RAB2A: variants seen among roughly 807,000 people sequenced by gnomAD.
RAB2A encodes the protein ras-related protein Rab-2A.
In RAB2A, 7 loss-of-function variants were observed where a neutral mutation model predicts 32.5. The ratio of observed to expected loss-of-function variants is 0.22; its 90% CI spans 0.12 to 0.40. RAB2A has a LOEUF of 0.40. Among genes scored for constraint, RAB2A ranks in the 10% least tolerant of loss-of-function variants. The pLI, the probability that RAB2A is intolerant of heterozygous loss-of-function variation, is 1.00. For missense variants in RAB2A, 108 were observed against 260.7 expected, an observed-to-expected ratio of 0.41 and a Z score of 4.03; for synonymous variants, 79 against 85.2, an observed-to-expected ratio of 0.93 and a Z score of 0.40.
intron 3 of RAB2A, among the ~76,000 whole-genome samples, chr8:60,580,522 A>G (rs1803727767): frequency 6.6e-6 from 1 of 152,184 alleles, no homozygotes; most frequent in African/African-American, 2.4e-5. Context: ...AGGTCTCAAG[A>G]ATTTGTAAAC....
intron 5 of RAB2A, among the ~76,000 whole-genome samples, chr8:60,586,933 G>GAAAAA (rs200377607): frequency 3.1e-5 from 2 of 63,916 alleles, no homozygotes; most frequent in African/African-American, 8.8e-5. Flanking sequence ...CTGTCTCCAA[G>GAAAAA]AAAAAAAAAA....
intron 6 of RAB2A, among the ~76,000 whole-genome samples, chr8:60,613,381 C>T (rs1174851014): frequency 7.9e-5 from 12 of 152,166 alleles, no homozygotes; most frequent in African/African-American, 2.4e-4. Flanking sequence ...TTTACATTAA[C>T]CTTCCTAGCA....
intron 5 of RAB2A, among the ~76,000 whole-genome samples, chr8:60,587,028 T>C (rs1432083510): frequency 6.6e-6 from 1 of 152,132 alleles, no homozygotes; most frequent in Admixed American, 6.6e-5. Flanking sequence ...CAAGCTGACT[T>C]TAAAGTTTAT....
intron 1 of RAB2A, among the ~76,000 whole-genome samples, chr8:60,537,133 T>C (rs1460723043): frequency 6.6e-6 from 1 of 152,248 alleles, no homozygotes; most frequent in East Asian, 1.9e-4. Flanking sequence ...TATTTTACAT[T>C]GCAATCTAGG....
chr8:60,556,875 G>T (rs988574857), intron 1 of RAB2A, among the ~76,000 whole-genome samples: 14 of 152,162 alleles, frequency 9.2e-5, no homozygotes, highest in African/African-American at 3.4e-4. Flanking sequence ...GAAAACATGT[G>T]ATTTCTAACT....
intron 2 of RAB2A, among the ~76,000 whole-genome samples, chr8:60,570,587 C>T (rs1286522289): frequency 1.3e-5 from 2 of 151,966 alleles, no homozygotes; most frequent in Non-Finnish European, 2.9e-5. Flanking sequence ...TATGTAGATG[C>T]ATATATATGT....
chr8:60,534,541 G>A (rs1807528543), intron 1 of RAB2A, among the ~76,000 whole-genome samples: 1 of 152,194 alleles, frequency 6.6e-6, no homozygotes, highest in Non-Finnish European at 1.5e-5. Flanking sequence ...TAACTTATTT[G>A]AATAATTGTC....
intron 1 of RAB2A, among the ~76,000 whole-genome samples, chr8:60,549,361 A>C (rs1807806714): frequency 6.6e-6 from 1 of 152,106 alleles, no homozygotes; most frequent in Non-Finnish European, 1.5e-5. Flanking sequence ...TTGAGCACTG[A>C]GTGAACGAGA....
intron 2 of RAB2A, among the ~76,000 whole-genome samples, chr8:60,565,850 A>G (rs1319930012): frequency 6.6e-6 from 1 of 151,664 alleles, no homozygotes; most frequent in African/African-American, 2.4e-5. Flanking sequence ...AGCTGAGACT[A>G]CAGGCACGTG....
intron 1 of RAB2A, among the ~76,000 whole-genome samples, chr8:60,557,269 A>G (rs1021354567): frequency 9.9e-5 from 15 of 152,238 alleles, no homozygotes; most frequent in African/African-American, 1.9e-4. Context: ...TAATCCCAGC[A>G]TTTTGGGACG....
intron 3 of RAB2A, among the ~76,000 whole-genome samples, chr8:60,575,845 C>T (rs974180317): frequency 8.6e-5 from 13 of 151,766 alleles, no homozygotes; most frequent in South Asian, 2.1e-4. Flanking sequence ...TTAGTAGAGA[C>T]GGGGTTTCTC....
At chr8:60,577,256 C>G (rs1803649308) in intron 3 of RAB2A, among the ~76,000 whole-genome samples, 1 of 151,968 alleles carries the variant, frequency 6.6e-6, no homozygotes, top group Non-Finnish European at 1.5e-5. Flanking sequence ...GCCATGTTCC[C>G]AAGGCTGGTC....
At chr8:60,518,863 T>G (rs1044802263) in intron 1 of RAB2A, among the ~76,000 whole-genome samples, 4 of 152,172 alleles carry the variant, frequency 2.6e-5, no homozygotes, top group African/African-American at 9.7e-5. Flanking sequence ...TGAGTGGGTT[T>G]GAGAAATAGA....
intron 1 of RAB2A, among the ~76,000 whole-genome samples, chr8:60,538,267 A>C (rs1807586906): frequency 6.6e-6 from 1 of 152,250 alleles, no homozygotes; most frequent in Non-Finnish European, 1.5e-5. Flanking sequence ...AAGAAAATTT[A>C]AATTCTACCT....
chr8:60,517,274 CG>C (rs1807220344), intron 1 of RAB2A, 21 bp downstream of exon 1: 3 of 1,478,620 alleles, frequency 2.0e-6, no homozygotes, highest in Admixed American at 2.5e-5. Flanking sequence ...CGGGCGCGGC[CG>C]GGCGGGTGTC....
chr8:60,533,206 T>C (rs1441714089), intron 1 of RAB2A, among the ~76,000 whole-genome samples: 1 of 152,192 alleles, frequency 6.6e-6, no homozygotes, highest in African/African-American at 2.4e-5. Context: ...AACAAAAGAA[T>C]AAATGTGATG....
intron 7 of RAB2A, among the ~76,000 whole-genome samples, chr8:60,619,739 A>G (rs1039226151): frequency 1.3e-5 from 2 of 152,198 alleles, no homozygotes; most frequent in African/African-American, 4.8e-5. Flanking sequence ...CTGGTTTCAT[A>G]TAGTAGCTGA....
chr8:60,529,642 C>G (rs1016065432), intron 1 of RAB2A, among the ~76,000 whole-genome samples: 2 of 152,138 alleles, frequency 1.3e-5, no homozygotes, highest in Non-Finnish European at 2.9e-5. Flanking sequence ...ACACTTGACT[C>G]TGAAACTTTT....
At chr8:60,608,621 C>T (rs1306453114) in intron 6 of RAB2A, among the ~76,000 whole-genome samples, 1 of 147,436 alleles carries the variant, frequency 6.8e-6, no homozygotes, top group Non-Finnish European at 1.5e-5. Context: ...CCCCACCCCA[C>T]CTCACTGGCC....
Sources: gnomAD v4.1 joint callset for allele counts (sites outside exome capture counted in the v4.1 genomes callset) on GRCh38, gnomAD v4.1.1 for gene constraint, MANE v1.5 for transcripts, NCBI Gene and HGNC (gene_info 2026-07-23, HGNC 2026-07-21) for gene names.